The following ANO4 variants were observed in gnomAD, a reference collection of about 807,000 sequenced individuals.
The protein encoded by ANO4 is anoctamin 4.
ANO4 carries 69 observed loss-of-function variants against 141.9 expected under a neutral mutation model. The observed-to-expected ratio is 0.49, with a 90% CI of 0.40 to 0.59. The LOEUF is 0.59. Among genes scored for constraint, ANO4 ranks in the 20% least tolerant of loss-of-function variants. The probability of loss-of-function intolerance (pLI) is 0.00; values close to 1 mark genes in which losing one functional copy is unlikely to be tolerated. For synonymous variants in ANO4, 350 were observed against 394.3 expected, an observed-to-expected ratio of 0.89 and a Z score of 1.33; for missense variants, 894 against 1,162.2, an observed-to-expected ratio of 0.77 and a Z score of 3.36.
chr12:100,805,557 A>G (rs1403009249), intron 1 of ANO4, among the ~76,000 whole-genome samples: 1 of 152,220 alleles, frequency 6.6e-6, no homozygotes, highest in Non-Finnish European at 1.5e-5. Context: ...TGCCATTTTC[A>G]TGATACTGGT....
intron 16 of ANO4, 101 bp downstream of exon 16, chr12:101,083,919 T>C: frequency 8.4e-7 from 1 of 1,187,564 alleles, no homozygotes; most frequent in South Asian, 1.8e-5. Flanking sequence ...AAAATATTTT[T>C]GCACTTTGTT....
chr12:100,721,463 G>A (rs1046406278), intron 1 of ANO4, among the ~76,000 whole-genome samples: 1 of 152,142 alleles, frequency 6.6e-6, no homozygotes, highest in Admixed American at 6.5e-5. Context: ...GTCATTCCAG[G>A]GAGCAACAGC....
chr12:100,996,166 G>A (rs1398790990), intron 8 of ANO4, among the ~76,000 whole-genome samples: 3 of 152,148 alleles, frequency 2.0e-5, no homozygotes, highest in Non-Finnish European at 4.4e-5. Context: ...TTTAATTCAT[G>A]CATCACACTT....
intron 3 of ANO4, among the ~76,000 whole-genome samples, chr12:100,934,215 G>A (rs1472323747): frequency 6.6e-6 from 1 of 152,112 alleles, no homozygotes; most frequent in Non-Finnish European, 1.5e-5. Context: ...TTCTTCTAGG[G>A]TTTTTATGGT....
At chr12:100,723,327 G>T (rs958607120) in intron 1 of ANO4, among the ~76,000 whole-genome samples, 1 of 152,174 alleles carries the variant, frequency 6.6e-6, no homozygotes, top group Admixed American at 6.5e-5. Context: ...GAGGCTGGAA[G>T]TCCCTGTTGG....
intron 15 of ANO4, among the ~76,000 whole-genome samples, chr12:101,082,830 A>T (rs1319701662): frequency 2.0e-5 from 3 of 152,158 alleles, no homozygotes; most frequent in African/African-American, 7.2e-5. Flanking sequence ...GGATTAACTC[A>T]ATCTCCATTT....
At position 101,037,115 on chromosome 12, in the gene ANO4, A is replaced by G. The variant is rs7969347; in HGVS notation, c.862A>G (p.Asn288Asp). Residue 288 changes from asparagine (N) to aspartate (D), a missense_variant, in exon 10 of 28, where the codon AAT becomes GAT. Coordinates refer to ENST00000392977, the MANE Select transcript of ANO4 (RefSeq NM_001286615.2). ...NKIGLNRLLT[N>D]GSYEAAFPLH... Reference sequence around the variant, plus strand: ...TTTAGGTCTGAATCGTTTGCTTACCAATGGCTCCTATGAAGCTGCGTTTCC... The same window carrying G: ...TTTAGGTCTGAATCGTTTGCTTACCGATGGCTCCTATGAAGCTGCGTTTCC... The G allele has an allele frequency of 2.3e-5, 37 of 1,613,918 alleles. No homozygotes were observed. In the African/African-American group the frequency reaches 4.7e-4, roughly 20 times the overall value.
At chr12:100,854,592 A>G (rs529891072) in intron 1 of ANO4, among the ~76,000 whole-genome samples, 1 of 152,010 alleles carries the variant, frequency 6.6e-6, no homozygotes, top group Non-Finnish European at 1.5e-5. Context: ...TCCCAGGTGT[A>G]TCACCTCCCT....
chr12:100,978,789 A>C (rs1270498032), intron 7 of ANO4, among the ~76,000 whole-genome samples: 1 of 152,188 alleles, frequency 6.6e-6, no homozygotes, highest in Non-Finnish European at 1.5e-5. Flanking sequence ...ATATTGTTGG[A>C]GGTAAAAGAA....
chr12:100,770,674 C>A lies in ANO4; in HGVS notation c.358+30569C>A, dbSNP rs11110512. On this transcript the variant is annotated intron_variant, in intron 3 of 29. Coordinates refer to the ANO4 transcript ENST00000644049. ...AGGACTTGTAGCTGGGACCTCTGAG[C>A]TCATATTTAACCCCCTGTTTCTGGT... Among the ~76,000 whole-genome samples, 497 of 152,104 alleles carry A rather than the reference C, an allele frequency of 3.3e-3. 2 individuals carry two copies. Among genetic ancestry groups the A allele is most frequent in the African/African-American group, 0.011 (470 of 41,500 alleles).
chr12:100,934,363 T>G (rs896510128), intron 3 of ANO4, among the ~76,000 whole-genome samples: 1 of 152,178 alleles, frequency 6.6e-6, no homozygotes, highest in Non-Finnish European at 1.5e-5. Flanking sequence ...GAATCCTTTC[T>G]GCGTTTCTTG....
At chr12:100,855,778 C>T (rs540046242) in intron 1 of ANO4, among the ~76,000 whole-genome samples, 2 of 152,144 alleles carry the variant, frequency 1.3e-5, no homozygotes, top group Admixed American at 6.5e-5. Context: ...ATTCACATAC[C>T]GACATAAATT....
chr12:101,084,868 G>A (rs1301121987), intron 16 of ANO4, among the ~76,000 whole-genome samples: 2 of 152,168 alleles, frequency 1.3e-5, no homozygotes, highest in Non-Finnish European at 2.9e-5. Flanking sequence ...GCTTGCCCAA[G>A]GTCACACTGC....
At chr12:100,839,537 A>G (rs1184757354) in intron 1 of ANO4, among the ~76,000 whole-genome samples, 1 of 152,178 alleles carries the variant, frequency 6.6e-6, no homozygotes, top group Non-Finnish European at 1.5e-5. Flanking sequence ...GTATTCTTTC[A>G]TAGTTTAATT....
chr12:100,787,501 G>T (rs193184957), intron 3 of ANO4, among the ~76,000 whole-genome samples: 1 of 152,264 alleles, frequency 6.6e-6, no homozygotes, highest in Non-Finnish European at 1.5e-5. Context: ...ACAGTAAGAC[G>T]CAGAGGAGAG....
chr12:100,865,788 T>C (rs555351571), intron 1 of ANO4, among the ~76,000 whole-genome samples: 1 of 152,216 alleles, frequency 6.6e-6, no homozygotes, highest in East Asian at 1.9e-4. Flanking sequence ...GTGGGTATCG[T>C]GTAAGAAAAG....
At chr12:100,785,149 C>G (rs993948087) in intron 3 of ANO4, among the ~76,000 whole-genome samples, 1 of 152,138 alleles carries the variant, frequency 6.6e-6, no homozygotes, top group Non-Finnish European at 1.5e-5. Flanking sequence ...TTCCCACACA[C>G]CCTCTGCCTC....
At chr12:101,027,840 G>T (rs115464628) in intron 9 of ANO4, among the ~76,000 whole-genome samples, 209 of 152,180 alleles carry the variant, frequency 1.4e-3, no homozygotes, top group African/African-American at 4.7e-3. Context: ...TTCATTAAAT[G>T]GGTCCCATTT....
At chr12:100,724,153 A>G (rs2030997932) in intron 1 of ANO4, among the ~76,000 whole-genome samples, 1 of 152,266 alleles carries the variant, frequency 6.6e-6, no homozygotes, top group Admixed American at 6.5e-5. Flanking sequence ...AAGTAGGTGT[A>G]AGTAGGAAAG....
Sources: gnomAD v4.1 joint callset for allele counts (sites outside exome capture counted in the v4.1 genomes callset) on GRCh38, gnomAD v4.1.1 for gene constraint, MANE v1.5 for transcripts, NCBI Gene and HGNC (gene_info 2026-07-23, HGNC 2026-07-21) for gene names.